Variants in GLIS3 observed in about 807,000 individuals in gnomAD.
GLIS3 encodes zinc finger protein GLIS3.
A neutral mutation model predicts 78.6 loss-of-function variants in GLIS3; 53 were observed. That is an observed-to-expected ratio of 0.67 (90% CI 0.54 to 0.85). The LOEUF is 0.85. Ranked by LOEUF, GLIS3 falls within the 40% of genes least tolerant of loss-of-function variation. The probability of loss-of-function intolerance (pLI) is 0.00; values close to 1 mark genes in which losing one functional copy is unlikely to be tolerated. For missense variants in GLIS3, 1,703 were observed against 1,231.1 expected (o/e 1.38, Z -5.74); for synonymous variants, 684 against 509.9 (o/e 1.34, Z -4.60).
At chr9:4,362,541 A>G in the GLIS3 span, among the ~76,000 whole-genome samples, 1 of 152,194 alleles carries the variant, frequency 6.6e-6, no homozygotes, top group African/African-American at 2.4e-5. Context: ...ACAGCACTCA[A>G]AAACAGGCAT....
the GLIS3 span, among the ~76,000 whole-genome samples, chr9:4,466,492 T>C: frequency 6.6e-5 from 10 of 152,296 alleles, no homozygotes; most frequent in East Asian, 1.9e-4. Context: ...CACAAGAAAG[T>C]AGGATAACAG....
At chr9:4,213,053 A>C (rs908757766) in intron 2 of GLIS3, among the ~76,000 whole-genome samples, 5 of 152,200 alleles carry the variant, frequency 3.3e-5, no homozygotes, top group Admixed American at 2.0e-4. Context: ...ATGGAAAAAA[A>C]CTATTTCCCT....
At chr9:4,314,736 A>C (rs1817413345) in intron 2 of GLIS3, among the ~76,000 whole-genome samples, 1 of 152,240 alleles carries the variant, frequency 6.6e-6, no homozygotes, top group Admixed American at 6.5e-5. Flanking sequence ...AACTGGGTTT[A>C]GATTTCAGCT....
At chr9:4,408,788 A>C in the GLIS3 span, among the ~76,000 whole-genome samples, 3 of 151,704 alleles carry the variant, frequency 2.0e-5, no homozygotes, top group Admixed American at 6.6e-5. Context: ...ATGTCATAAC[A>C]GGGGGATTAT....
chr9:4,153,145 A>G (rs1834806719), intron 2 of GLIS3, among the ~76,000 whole-genome samples: 1 of 152,250 alleles, frequency 6.6e-6, no homozygotes, highest in African/African-American at 2.4e-5. Flanking sequence ...CCAAGGAGCA[A>G]TATCATGCAG....
intron 8 of GLIS3, among the ~76,000 whole-genome samples, chr9:3,870,259 G>A (rs887933882): frequency 6.6e-6 from 1 of 152,008 alleles, no homozygotes; most frequent in Non-Finnish European, 1.5e-5. Flanking sequence ...TATATTCTCA[G>A]GCTATGATGG....
intron 4 of GLIS3, among the ~76,000 whole-genome samples, chr9:4,052,856 G>A (rs1431554003): frequency 6.6e-6 from 1 of 152,112 alleles, no homozygotes; most frequent in Non-Finnish European, 1.5e-5. Flanking sequence ...TAGAATTGCT[G>A]GGTCACATAG....
At chr9:4,145,271 A>C (rs1003142824) in intron 2 of GLIS3, 1 of 152,212 alleles carries the variant, frequency 6.6e-6, no homozygotes, top group Non-Finnish European at 1.5e-5. Context: ...TAAGGTTTTT[A>C]AGCCAATACT....
intron 4 of GLIS3, among the ~76,000 whole-genome samples, chr9:4,046,286 T>G (rs905704711): frequency 6.6e-6 from 1 of 152,208 alleles, no homozygotes; most frequent in Non-Finnish European, 1.5e-5. Flanking sequence ...TGCACCTATG[T>G]GAAGACAGTA....
At chr9:3,918,574 A>G (rs2130717745) in intron 6 of GLIS3, among the ~76,000 whole-genome samples, 1 of 152,310 alleles carries the variant, frequency 6.6e-6, no homozygotes, top group East Asian at 1.9e-4. Flanking sequence ...TATCACTATT[A>G]CTATAAATAA....
chr9:4,351,658 G>T (rs1817973571), upstream of GLIS3, among the ~76,000 whole-genome samples: 1 of 152,128 alleles, frequency 6.6e-6, no homozygotes, highest in Admixed American at 6.5e-5. Context: ...AAATGATAAG[G>T]AAAGATTTCA....
intron 6 of GLIS3, among the ~76,000 whole-genome samples, chr9:3,913,628 C>G: frequency 6.6e-6 from 1 of 152,186 alleles, no homozygotes; most frequent in Non-Finnish European, 1.5e-5. Context: ...CTCCAAGGTC[C>G]AATTCAATGT....
the GLIS3 span, among the ~76,000 whole-genome samples, chr9:4,372,104 G>C: frequency 1.3e-5 from 2 of 152,226 alleles, no homozygotes; most frequent in African/African-American, 2.4e-5. Flanking sequence ...AACCAGTTCT[G>C]CTTATGCTGT....
chr9:3,892,626 A>C (rs1822539268), intron 7 of GLIS3, among the ~76,000 whole-genome samples: 1 of 152,164 alleles, frequency 6.6e-6, no homozygotes, highest in African/African-American at 2.4e-5. Context: ...ACAAGTATAA[A>C]AAAGATGAAA....
intron 6 of GLIS3, among the ~76,000 whole-genome samples, chr9:3,903,902 G>T (rs900302516): frequency 1.1e-4 from 16 of 152,192 alleles, no homozygotes. Context: ...TCCAGAAGGA[G>T]GGAATTTCAA....
the GLIS3 span, among the ~76,000 whole-genome samples, chr9:4,450,517 G>A: frequency 6.6e-6 from 1 of 152,064 alleles, no homozygotes; most frequent in Admixed American, 6.6e-5. Flanking sequence ...GATACTCCTC[G>A]AGAAGAACAA....
chr9:4,347,415 A>T (rs1412519909), intron 1 of GLIS3, among the ~76,000 whole-genome samples: 1 of 152,048 alleles, frequency 6.6e-6, no homozygotes, highest in Non-Finnish European at 1.5e-5. Context: ...CAAACATCCA[A>T]ACTATAGCAA....
At chr9:3,868,832 TGTA>T (rs1820779586) in intron 8 of GLIS3, among the ~76,000 whole-genome samples, 2 of 1,292 alleles carry the variant, frequency 1.5e-3, no homozygotes, top group Non-Finnish European at 3.3e-3. Context: ...CAACACTTGT[TGTA>T]CATAGTGTTG....
At chr9:4,077,931 T>G (rs76881814) in intron 4 of GLIS3, among the ~76,000 whole-genome samples, 5,433 of 152,284 alleles carry the variant, frequency 0.036, 423 homozygotes, top group East Asian at 0.21. Context: ...TGTTCCTATC[T>G]CAAGAGGGAA....
Sources: allele counts gnomAD v4.1 joint callset (sites outside exome capture counted in the v4.1 genomes callset), GRCh38; gene constraint gnomAD v4.1.1; transcripts MANE v1.5; gene names NCBI Gene and HGNC (gene_info 2026-07-23, HGNC 2026-07-21).